POLN: variants seen among roughly 807,000 people sequenced by gnomAD.
POLN encodes DNA polymerase N.
POLN carries 108 observed loss-of-function variants against 113.5 expected under a neutral mutation model. The observed-to-expected ratio is 0.95, with a 90% CI of 0.81 to 1.12. POLN has a LOEUF of 1.12. POLN is among the 50% of genes most tolerant of loss of function. POLN has a pLI of 0.00. For missense variants in POLN, 1,097 were observed against 1,077.1 expected, an observed-to-expected ratio of 1.02 and a Z score of -0.26; for synonymous variants, 386 against 391.5, an observed-to-expected ratio of 0.99 and a Z score of 0.17.
intron 20 of POLN, among the ~76,000 whole-genome samples, chr4:2,087,631 G>T (rs1371900108): frequency 6.6e-6 from 1 of 151,958 alleles, no homozygotes; most frequent in African/African-American, 2.4e-5. Context: ...CTTGAGCTTA[G>T]TAATTAATAG....
At chr4:2,236,146 C>T in intron 2 of POLN, 2 of 755,686 alleles carry the variant, frequency 2.6e-6, no homozygotes, top group Non-Finnish European at 4.3e-6. Flanking sequence ...TAATATTTTC[C>T]TCATGTTAAC....
intron 7 of POLN, among the ~76,000 whole-genome samples, chr4:2,181,202 T>C (rs1161538784): frequency 6.6e-6 from 1 of 152,194 alleles, no homozygotes; most frequent in Non-Finnish European, 1.5e-5. Context: ...TGGAGAGCAA[T>C]GGCATGATCT....
chr4:2,098,852 C>G (rs1036181055), intron 19 of POLN, among the ~76,000 whole-genome samples: 1 of 152,072 alleles, frequency 6.6e-6, no homozygotes, highest in Non-Finnish European at 1.5e-5. Context: ...CAAGATGAAC[C>G]TGGAATATCT....
intron 9 of POLN, among the ~76,000 whole-genome samples, chr4:2,175,167 T>C (rs549494519): frequency 5.9e-5 from 9 of 152,104 alleles, no homozygotes; most frequent in Non-Finnish European, 1.3e-4. Context: ...GTGACCCCTA[T>C]CATGGGCATG....
intron 22 of POLN, 93 bp downstream of exon 22, chr4:2,081,540 G>T: frequency 8.3e-7 from 1 of 1,209,790 alleles, no homozygotes; most frequent in Non-Finnish European, 1.2e-6. Context: ...AGGAAATACC[G>T]CAACAGTGAT....
At chr4:2,179,156 GAA>G (rs1733070020) in intron 8 of POLN, 150 bp downstream of exon 8, 1 of 765,498 alleles carries the variant, frequency 1.3e-6, no homozygotes, top group African/African-American at 1.8e-5. Context: ...TCCTCCACCA[GAA>G]ATGCCAAGGT....
chr4:2,170,622 A>G (rs1312852813), intron 13 of POLN, 57 bp downstream of exon 13: 2 of 1,439,494 alleles, frequency 1.4e-6, no homozygotes, highest in East Asian at 2.3e-5. Context: ...GTCAGCACAC[A>G]TGTGGTGCAG....
At chr4:2,221,327 G>C (rs1577783170) in intron 3 of POLN, among the ~76,000 whole-genome samples, 1 of 152,072 alleles carries the variant, frequency 6.6e-6, no homozygotes, top group African/African-American at 2.4e-5. Context: ...ACTGTGAAAG[G>C]AAAATAAAAT....
chr4:2,176,274 T>C lies in POLN; in HGVS notation c.1240A>G (p.Lys414Glu). 6.2e-7 allele frequency: 1 copy of C among 1,606,316 alleles called. No homozygotes were observed. Residue 414 changes from lysine to glutamate, a missense_variant, in exon 9 of 26, where the codon AAA becomes GAA. Lys to Glu is a moderately conservative substitution (Grantham distance 56, BLOSUM62 1). Transcript: ENST00000511885. ...LYRLTMDLCS[K>E]LKDYGLWQLF... ...ATAATAAAATGCCTTGCCTTCAGTTTAGAGCAAAGGTCCATTGTAAGTCTG... is the reference window on the plus strand; with the variant it reads ...ATAATAAAATGCCTTGCCTTCAGTTCAGAGCAAAGGTCCATTGTAAGTCTG...
chr4:2,240,373 G>A, intron 2 of POLN: 1 of 1,606,098 alleles, frequency 6.2e-7, no homozygotes, highest in Non-Finnish European at 8.5e-7. Flanking sequence ...AAAAATACCA[G>A]TGGATTTGTC....
chr4:2,221,554 A>C (rs1327744711), intron 3 of POLN, among the ~76,000 whole-genome samples: 1 of 152,050 alleles, frequency 6.6e-6, no homozygotes, highest in African/African-American at 2.4e-5. Flanking sequence ...GACTCAAAAG[A>C]ATGCAACCTT....
intron 13 of POLN, among the ~76,000 whole-genome samples, chr4:2,169,988 G>A (rs888449105): frequency 6.6e-5 from 10 of 152,208 alleles, no homozygotes; most frequent in East Asian, 3.8e-4. Flanking sequence ...CTCACAGGGC[G>A]GAGACTGGAG....
intron 19 of POLN, among the ~76,000 whole-genome samples, chr4:2,101,635 G>GT (rs1730927661): frequency 1.3e-5 from 2 of 152,246 alleles, no homozygotes; most frequent in African/African-American, 4.8e-5. Context: ...AGCAGCTAGA[G>GT]TAAGATGTCA....
chr4:2,185,590 T>TA (rs894157358), intron 7 of POLN, among the ~76,000 whole-genome samples: 20 of 151,790 alleles, frequency 1.3e-4, no homozygotes, highest in Non-Finnish European at 2.2e-4. Context: ...ACCAAAAATA[T>TA]AAAAAATTAG....
intron 16 of POLN, among the ~76,000 whole-genome samples, chr4:2,153,506 G>A (rs1732342691): frequency 6.6e-6 from 1 of 152,134 alleles, no homozygotes; most frequent in Admixed American, 6.5e-5. Context: ...CGGGGATATG[G>A]AGTTTTGAGT....
At chr4:2,157,165 G>C (rs1008254192) in intron 15 of POLN, among the ~76,000 whole-genome samples, 2 of 152,194 alleles carry the variant, frequency 1.3e-5, no homozygotes, top group African/African-American at 4.8e-5. Flanking sequence ...GCGGGCTCGA[G>C]GTGGGACTGT....
chr4:2,198,848 G>A (rs1299924523), intron 5 of POLN, 131 bp from the exon 6 acceptor site: 1 of 922,764 alleles, frequency 1.1e-6, no homozygotes, highest in African/African-American at 1.7e-5. Flanking sequence ...GTTTTTTAAT[G>A]ACAATTGAGG....
At chr4:2,165,814 T>C (rs1732715067) in intron 13 of POLN, among the ~76,000 whole-genome samples, 1 of 152,142 alleles carries the variant, frequency 6.6e-6, no homozygotes, top group Non-Finnish European at 1.5e-5. Flanking sequence ...TCTCACTCTG[T>C]TGCACAGAAT....
chr4:2,104,807 C>T (rs1447954470), intron 19 of POLN, among the ~76,000 whole-genome samples: 1 of 152,176 alleles, frequency 6.6e-6, no homozygotes, highest in Non-Finnish European at 1.5e-5. Flanking sequence ...ACTGTGGCCT[C>T]AGGTCATGGA....
Sources: allele counts gnomAD v4.1 joint callset (sites outside exome capture counted in the v4.1 genomes callset), GRCh38; gene constraint gnomAD v4.1.1; transcripts MANE v1.5; gene names NCBI Gene and HGNC (gene_info 2026-07-23, HGNC 2026-07-21).